NSRP1: variants seen among roughly 807,000 people sequenced by gnomAD.
The protein encoded by NSRP1 is coiled-coil domain containing 55.
A neutral mutation model predicts 54.7 loss-of-function variants in NSRP1; 24 were observed. The observed-to-expected ratio is 0.44, with a 90% CI of 0.32 to 0.62. NSRP1 has a LOEUF of 0.62. Among genes scored for constraint, NSRP1 ranks in the 20% least tolerant of loss-of-function variants. NSRP1 has a pLI of 0.06. For synonymous variants in NSRP1, 210 were observed against 213.8 expected, an observed-to-expected ratio of 0.98 and a Z score of 0.15; for missense variants, 596 against 651.2, an observed-to-expected ratio of 0.92 and a Z score of 0.92.
chr17:30,134,163 G>A (rs979629223), intron 2 of NSRP1, among the ~76,000 whole-genome samples: 1 of 152,168 alleles, frequency 6.6e-6, no homozygotes, highest in Admixed American at 6.6e-5. Flanking sequence ...GGAAAACACC[G>A]GTTGGTGGAG....
chr17:30,173,771 A>G (rs1905035702), intron 3 of NSRP1, among the ~76,000 whole-genome samples: 2 of 152,254 alleles, frequency 1.3e-5, no homozygotes. Flanking sequence ...GCATGAGACC[A>G]CATAGTTAAT....
At chr17:30,177,716 A>G (rs1463899928) in intron 3 of NSRP1, among the ~76,000 whole-genome samples, 1 of 152,182 alleles carries the variant, frequency 6.6e-6, no homozygotes, top group African/African-American at 2.4e-5. Flanking sequence ...AATAAATGAT[A>G]ATAATAGTTG....
At chr17:30,168,574 T>TATA (rs573643395) in intron 2 of NSRP1, among the ~76,000 whole-genome samples, 12,855 of 147,602 alleles carry the variant, frequency 0.087, 773 homozygotes, top group South Asian at 0.15. Flanking sequence ...AAACTTAAAG[T>TATA]ATAATAATAA....
intron 2 of NSRP1, among the ~76,000 whole-genome samples, chr17:30,171,970 ACACTCCCTCT>A (rs1329664588): frequency 6.1e-5 from 6 of 99,050 alleles, no homozygotes; most frequent in African/African-American, 1.8e-4. Context: ...ACACACACAC[ACACTCCCTCT>A]CTCTCTCTCT....
intron 2 of NSRP1, among the ~76,000 whole-genome samples, chr17:30,136,432 CTTTG>C (rs776199381): frequency 1.1e-4 from 17 of 152,016 alleles, no homozygotes; most frequent in Non-Finnish European, 2.1e-4. Flanking sequence ...TTATTGAGTA[CTTTG>C]TTTATGTTAG....
chr17:30,172,014 T>TCACACACA (rs1555582539), intron 2 of NSRP1, among the ~76,000 whole-genome samples: 1 of 131,056 alleles, frequency 7.6e-6, no homozygotes, highest in African/African-American at 2.8e-5. Flanking sequence ...TCTCTCTCTC[T>TCACACACA]CACATGTTCA....
intron 2 of NSRP1, among the ~76,000 whole-genome samples, chr17:30,167,218 T>A (rs1904764368): frequency 6.6e-6 from 1 of 152,242 alleles, no homozygotes. Context: ...ATGATACGAT[T>A]TCATTCTTTT....
intron 2 of NSRP1, among the ~76,000 whole-genome samples, chr17:30,141,317 A>G (rs2071803272): frequency 6.6e-6 from 1 of 152,094 alleles, no homozygotes; most frequent in African/African-American, 2.4e-5. Context: ...ACAGGCTTTT[A>G]TTTAGTGACC....
At chr17:30,183,840 A>G (rs929128378) in intron 6 of NSRP1, among the ~76,000 whole-genome samples, 3 of 152,334 alleles carry the variant, frequency 2.0e-5, no homozygotes, top group Non-Finnish European at 2.9e-5. Flanking sequence ...ATTTAGGATT[A>G]TATTTGCCAC....
At chr17:30,179,435 G>C in intron 5 of NSRP1, 138 bp downstream of exon 5, 1 of 1,325,576 alleles carries the variant, frequency 7.5e-7, no homozygotes. Context: ...AAGACACAAG[G>C]AATATGGTAT....
chr17:30,118,381 A>G (rs2071563103), intron 2 of NSRP1, among the ~76,000 whole-genome samples: 1 of 152,322 alleles, frequency 6.6e-6, no homozygotes, highest in Middle Eastern at 3.4e-3. Context: ...CTTTACCTTT[A>G]AACAAATACA....
chr17:30,171,609 A>G (rs575999824), intron 2 of NSRP1, among the ~76,000 whole-genome samples: 53 of 150,798 alleles, frequency 3.5e-4, no homozygotes, highest in African/African-American at 1.1e-3. Context: ...GCCTGGCCAT[A>G]TATTGTGATT....
intron 2 of NSRP1, among the ~76,000 whole-genome samples, chr17:30,160,105 T>C (rs1398624736): frequency 6.6e-6 from 1 of 152,240 alleles, no homozygotes; most frequent in Non-Finnish European, 1.5e-5. Flanking sequence ...ATCATATTTA[T>C]TGATTTGCAT....
intron 2 of NSRP1, among the ~76,000 whole-genome samples, chr17:30,157,151 T>C (rs1904338285): frequency 6.6e-6 from 1 of 152,210 alleles, no homozygotes; most frequent in South Asian, 2.1e-4. Context: ...CTTGCCAGCA[T>C]CTGTTAGTTT....
At chr17:30,132,540 C>T (rs577679399) in intron 2 of NSRP1, among the ~76,000 whole-genome samples, 2 of 152,258 alleles carry the variant, frequency 1.3e-5, no homozygotes, top group South Asian at 2.1e-4. Flanking sequence ...GGCGACAGAG[C>T]GAGACTGTCT....
chr17:30,140,520 CTTTTTTT>C (rs10608409), intron 2 of NSRP1, among the ~76,000 whole-genome samples: 97 of 50,322 alleles, frequency 1.9e-3, no homozygotes, highest in Admixed American at 2.8e-3. Context: ...TCAGATTTTA[CTTTTTTT>C]TTTTTTTTTT....
intron 2 of NSRP1, among the ~76,000 whole-genome samples, chr17:30,162,095 C>G (rs1452132828): frequency 6.7e-6 from 1 of 150,170 alleles, no homozygotes; most frequent in African/African-American, 2.5e-5. Flanking sequence ...AGTCTCAGCT[C>G]ACTACAACCT....
chr17:30,152,482 CAT>C (rs1487539746), intron 2 of NSRP1, among the ~76,000 whole-genome samples: 2 of 137,134 alleles, frequency 1.5e-5, no homozygotes, highest in South Asian at 2.3e-4. Context: ...CAGATTTTGT[CAT>C]GTGTCTAATT....
intron 2 of NSRP1, among the ~76,000 whole-genome samples, chr17:30,162,442 G>A (rs530426703): frequency 6.6e-6 from 1 of 152,304 alleles, no homozygotes; most frequent in Non-Finnish European, 1.5e-5. Context: ...GTACTTACAA[G>A]AGTTGTGAGA....
Sources: allele counts gnomAD v4.1 joint callset (sites outside exome capture counted in the v4.1 genomes callset), GRCh38; gene constraint gnomAD v4.1.1; transcripts MANE v1.5; gene names NCBI Gene and HGNC (gene_info 2026-07-23, HGNC 2026-07-21).